CENPP: variants seen among roughly 807,000 people sequenced by gnomAD.
CENPP encodes centromere protein P.
A neutral mutation model predicts 35.6 loss-of-function variants in CENPP; 24 were observed. The observed-to-expected ratio is 0.67, with a 90% CI of 0.49 to 0.95. The LOEUF (loss-of-function observed/expected upper bound fraction) is 0.95. Among genes scored for constraint, CENPP ranks in the 40% least tolerant of loss-of-function variants. CENPP has a pLI of 0.00. For synonymous variants in CENPP, 120 were observed against 125.5 expected (o/e 0.96, Z 0.29); for missense variants, 332 against 345.3 (o/e 0.96, Z 0.31).
rs942604527 is a variant in CENPP at position 92,391,167 on chromosome 9, T to C, written c.564+11308T>C. ...ATCCCAGCACTTTGGGAGGCCAAGG[T>C]GGGCGGATCATGAGGTCAGGAGATC... On this transcript the variant is annotated intron_variant, in intron 5 of 7. Coordinates refer to ENST00000375587, the MANE Select transcript of CENPP (RefSeq NM_001012267.3). Among the ~76,000 whole-genome samples the C allele has an allele frequency of 2.7e-5, 4 of 149,214 alleles. No homozygotes were observed. In the East Asian group the frequency reaches 7.9e-4, roughly 29 times the overall value.
At chr9:92,512,003 G>A (rs1445264209) in intron 5 of CENPP, 1 of 1,591,098 alleles carries the variant, frequency 6.3e-7, no homozygotes, top group South Asian at 1.1e-5. Flanking sequence ...ATCAGAGCAT[G>A]TATTTACCTT....
chr9:92,452,213 C>G (rs1325334637), intron 5 of CENPP, among the ~76,000 whole-genome samples: 6 of 151,954 alleles, frequency 3.9e-5, no homozygotes, highest in Non-Finnish European at 8.8e-5. Context: ...TTTGCCCATT[C>G]AGTATGATAT....
chr9:92,404,493 T>TCAAA, intron 5 of CENPP: 1 of 1,286,648 alleles, frequency 7.8e-7, no homozygotes, highest in East Asian at 5.9e-5. Flanking sequence ...AAAGTAAGCC[T>TCAAA]ACCGTTGTAG....
chr9:92,462,530 G>A (rs1845153183), intron 5 of CENPP, among the ~76,000 whole-genome samples: 1 of 152,138 alleles, frequency 6.6e-6, no homozygotes, highest in South Asian at 2.1e-4. Context: ...GCTGGAAAAT[G>A]CTCTCCTTTT....
At chr9:92,466,365 G>T (rs144954352) in intron 5 of CENPP, 3 of 1,594,344 alleles carry the variant, frequency 1.9e-6, no homozygotes, top group Non-Finnish European at 2.6e-6. Context: ...TACCCAAAAC[G>T]TGTAAAGCAT....
At chr9:92,584,522 C>T (rs1432280040) in intron 5 of CENPP, among the ~76,000 whole-genome samples, 1 of 152,090 alleles carries the variant, frequency 6.6e-6, no homozygotes, top group African/African-American at 2.4e-5. Context: ...CTAAGTTTTA[C>T]ATTTTTTTAA....
chr9:92,584,853 T>G (rs1049230301), intron 5 of CENPP, among the ~76,000 whole-genome samples: 1 of 152,262 alleles, frequency 6.6e-6, no homozygotes, highest in South Asian at 2.1e-4. Context: ...ACATTTTGTT[T>G]AGCTTTTTCA....
intron 5 of CENPP, among the ~76,000 whole-genome samples, chr9:92,599,316 G>A (rs1850852789): frequency 6.6e-6 from 1 of 152,166 alleles, no homozygotes; most frequent in Non-Finnish European, 1.5e-5. Flanking sequence ...AGGTCACACA[G>A]GACAGACCTC....
At chr9:92,415,121 A>G in intron 5 of CENPP, 1 of 1,501,298 alleles carries the variant, frequency 6.7e-7, no homozygotes, top group Non-Finnish European at 9.0e-7. Context: ...GGTTTTGTGA[A>G]GTCGTAAGTG....
intron 5 of CENPP, among the ~76,000 whole-genome samples, chr9:92,561,495 T>G (rs543654855): frequency 6.6e-6 from 1 of 152,388 alleles, no homozygotes; most frequent in East Asian, 1.9e-4. Flanking sequence ...CCAACCTGTT[T>G]TAACACTTGT....
chr9:92,517,693 C>G, intron 5 of CENPP: 1 of 1,614,116 alleles, frequency 6.2e-7, no homozygotes, highest in Non-Finnish European at 8.5e-7. Flanking sequence ...GTACCAGTAG[C>G]GGAGCAGACC....
chr9:92,326,152 C>T (rs1230984967), intron 1 of CENPP, 47 bp downstream of exon 1: 4 of 1,259,878 alleles, frequency 3.2e-6, no homozygotes, highest in African/African-American at 1.5e-5. Context: ...CCAGGGTTCC[C>T]GGGCCAGGCG....
intron 3 of CENPP, among the ~76,000 whole-genome samples, chr9:92,343,822 G>C (rs866869759): frequency 6.6e-6 from 1 of 151,808 alleles, no homozygotes; most frequent in South Asian, 2.1e-4. Context: ...AATTAGCCAG[G>C]CTTGGTTACT....
chr9:92,389,508 A>T, intron 5 of CENPP: 1 of 162,622 alleles, frequency 6.1e-6, no homozygotes, highest in Non-Finnish European at 1.3e-5. Context: ...GTAAGGAAAA[A>T]GAAACACAGG....
At chr9:92,522,677 C>G (rs1230862089) in intron 5 of CENPP, 2 of 1,613,992 alleles carry the variant, frequency 1.2e-6, no homozygotes, top group Non-Finnish European at 8.5e-7. Context: ...AGTCTTGCTA[C>G]TGGTGTAAAA....
At chr9:92,546,167 G>A (rs545564278) in intron 5 of CENPP, among the ~76,000 whole-genome samples, 2 of 152,208 alleles carry the variant, frequency 1.3e-5, no homozygotes, top group African/African-American at 4.8e-5. Flanking sequence ...CTAGCTCAGC[G>A]ATTGTAAACG....
At chr9:92,577,116 G>A (rs1464802263) in intron 5 of CENPP, among the ~76,000 whole-genome samples, 1 of 152,122 alleles carries the variant, frequency 6.6e-6, no homozygotes, top group Non-Finnish European at 1.5e-5. Flanking sequence ...ACTGTAAACT[G>A]ACAAAAATAC....
intron 5 of CENPP, among the ~76,000 whole-genome samples, chr9:92,391,317 G>A (rs1842673575): frequency 6.6e-6 from 1 of 152,090 alleles, no homozygotes; most frequent in South Asian, 2.1e-4. Context: ...TGAGGCAGGA[G>A]AATGGCATGA....
Position 92,619,762 on chromosome 9 carries a change from A to C in CENPP, c.*6613A>C. 1.7e-6 allele frequency: 1 copy of C among 602,588 alleles called. No homozygotes were observed. The highest frequency in any genetic ancestry group is 1.9e-5 in the South Asian group (1 of 53,854). 37.3% of individuals were successfully genotyped at this position (602,588 alleles called of 1,614,324 possible). A position where few individuals can be genotyped will look rare whatever the true frequency, so the allele number is the denominator to read the frequency against. Reference sequence around the variant, plus strand: ...AGCACCTGGGCCAGCCCTCAGTGCCACGGGGCTGCTCAGAGGCCAGCACCG... The same window carrying C: ...AGCACCTGGGCCAGCCCTCAGTGCCCCGGGGCTGCTCAGAGGCCAGCACCG... On this transcript the variant is annotated 3_prime_UTR_variant, in exon 8 of 8. Transcript: ENST00000375587.
Sources: gnomAD v4.1 joint callset for allele counts (sites outside exome capture counted in the v4.1 genomes callset) on GRCh38, gnomAD v4.1.1 for gene constraint, MANE v1.5 for transcripts, NCBI Gene and HGNC (gene_info 2026-07-23, HGNC 2026-07-21) for gene names.